The following CSMD1 variants were observed in gnomAD, a reference collection of about 807,000 sequenced individuals.
The protein encoded by CSMD1 is CUB and sushi domain-containing protein 1.
A neutral mutation model predicts 417.5 loss-of-function variants in CSMD1; 213 were observed. The ratio of observed to expected loss-of-function variants is 0.51; its 90% CI spans 0.46 to 0.57. The LOEUF (loss-of-function observed/expected upper bound fraction) is 0.57, where lower values mean the gene tolerates loss of function less well. Among genes scored for constraint, CSMD1 ranks in the 20% least tolerant of loss-of-function variants. The pLI is 0.00. For missense variants in CSMD1, 6,923 were observed against 4,529.7 expected (o/e 1.53, Z -15.17); for synonymous variants, 2,862 against 1,736.8 (o/e 1.65, Z -16.11).
At chr8:3,316,227 A>G (rs1405978887) in intron 23 of CSMD1, among the ~76,000 whole-genome samples, 1 of 152,222 alleles carries the variant, frequency 6.6e-6, no homozygotes, top group Non-Finnish European at 1.5e-5. Context: ...TGCTAACTAT[A>G]TACTGTATGT....
intron 3 of CSMD1, among the ~76,000 whole-genome samples, chr8:4,359,669 G>A (rs533434730): frequency 1.3e-5 from 2 of 152,282 alleles, no homozygotes; most frequent in African/African-American, 4.8e-5. Flanking sequence ...GGTTGATTCT[G>A]GGTATGAATC....
At chr8:4,409,642 C>CTTTTTTTTTTT (rs61368925) in intron 3 of CSMD1, among the ~76,000 whole-genome samples, 1 of 141,850 alleles carries the variant, frequency 7.0e-6, no homozygotes. Flanking sequence ...GACTTTTTTT[C>CTTTTTTTTTTT]TTTTTTTTTT....
chr8:3,266,812 G>C (rs1801465021), intron 26 of CSMD1, among the ~76,000 whole-genome samples: 1 of 149,556 alleles, frequency 6.7e-6, no homozygotes, highest in Non-Finnish European at 1.5e-5. Flanking sequence ...ACCACCCTCA[G>C]ATGAATTGGT....
intron 3 of CSMD1, among the ~76,000 whole-genome samples, chr8:4,201,495 G>A (rs1799643439): frequency 1.7e-5 from 2 of 118,612 alleles, no homozygotes; most frequent in African/African-American, 3.3e-5. Flanking sequence ...CCGACATAGC[G>A]CCACTGCCGT....
chr8:3,861,927 C>T (rs1441168989), intron 5 of CSMD1, among the ~76,000 whole-genome samples: 1 of 152,076 alleles, frequency 6.6e-6, no homozygotes, highest in South Asian at 2.1e-4. Flanking sequence ...TTTCCTTGCT[C>T]CTGGAAAGTC....
intron 2 of CSMD1, among the ~76,000 whole-genome samples, chr8:4,446,872 T>C (rs1798839991): frequency 6.6e-6 from 1 of 151,328 alleles, no homozygotes; most frequent in Admixed American, 6.6e-5. Context: ...CCACCCGCCT[T>C]GGCCTCCCAA....
chr8:4,198,243 A>C lies in CSMD1; in HGVS notation c.416-166144T>G, dbSNP rs149217192. Reference sequence around the variant, plus strand: ...AGGTGCGGAGCACCACATCCCATTAAGTTATCCTCAACTCATTATTACAGA... The same window carrying C: ...AGGTGCGGAGCACCACATCCCATTACGTTATCCTCAACTCATTATTACAGA... On this transcript the variant is annotated intron_variant, in intron 3 of 69. Transcript: ENST00000635120. Among the ~76,000 whole-genome samples the C allele has an allele frequency of 1.7e-3, 262 of 152,336 alleles. 3 individuals carry two copies. The highest frequency in any genetic ancestry group is 6.2e-3 in the African/African-American group (257 of 41,584).
rs550967770 is a variant in CSMD1 at position 3,915,491 on chromosome 8, G to A, written c.818+82412C>T. Among the ~76,000 whole-genome samples the A allele has an allele frequency of 2.2e-3, 333 of 150,658 alleles. 2 individuals carry two copies. Among genetic ancestry groups the A allele is most frequent in the Non-Finnish European group, 1.2e-3 (79 of 67,646 alleles). On this transcript the variant is annotated intron_variant, in intron 5 of 69. Transcript: ENST00000635120. The stretch of plus-strand genomic sequence containing the variant: ...ACTTCAGGGAAGTGCAGGAAAGGAT[G>A]ACATGAAACAGGACATTACTGGGCT...
chr8:3,493,198 G>A (rs1379464243), intron 11 of CSMD1, among the ~76,000 whole-genome samples: 2 of 151,368 alleles, frequency 1.3e-5, no homozygotes, highest in Non-Finnish European at 2.9e-5. Context: ...GGAGGGTGAG[G>A]CAGGTGAATT....
chr8:3,367,186 T>C lies in CSMD1; in HGVS notation c.2961A>G (p.Thr987=). The part of the protein sequence containing the change: ...LESSHDYLLI[T]EDGSFSEPVA... ...CGGGCTCGGAAAAACTTCCATCCTC[T>C]GTGATCAGTAAATAGTCGTGGGAAC... Residue 987 remains threonine, a synonymous_variant, in exon 20 of 70, where the codon ACA becomes ACG. Coordinates refer to ENST00000635120, the MANE Select transcript of CSMD1 (RefSeq NM_033225.6). 1 of 1,613,596 alleles carries C rather than the reference T, an allele frequency of 6.2e-7. No homozygotes were observed. The highest frequency in any genetic ancestry group is 8.5e-7 in the Non-Finnish European group (1 of 1,179,764).
At chr8:4,094,261 G>C (rs1482117055) in intron 3 of CSMD1, among the ~76,000 whole-genome samples, 1 of 152,072 alleles carries the variant, frequency 6.6e-6, no homozygotes, top group Non-Finnish European at 1.5e-5. Context: ...TGTAAATCAG[G>C]GGTGATCTAC....
chr8:3,437,478 G>C (rs751015663), intron 12 of CSMD1, among the ~76,000 whole-genome samples: 2 of 152,190 alleles, frequency 1.3e-5, no homozygotes, highest in Non-Finnish European at 2.9e-5. Context: ...TAATGGGACA[G>C]CGGGAAATAA....
chr8:3,766,627 T>G (rs1029025249), intron 5 of CSMD1, among the ~76,000 whole-genome samples: 3 of 151,754 alleles, frequency 2.0e-5, no homozygotes, highest in African/African-American at 7.3e-5. Context: ...TATAATAAAT[T>G]CCACGCACAG....
chr8:3,468,664 C>G (rs1816918489), intron 12 of CSMD1, 48 bp downstream of exon 12: 2 of 1,225,150 alleles, frequency 1.6e-6, no homozygotes, highest in African/African-American at 1.5e-5. Flanking sequence ...TCTCTGCCCT[C>G]TCTTGGAATG....
intron 1 of CSMD1, among the ~76,000 whole-genome samples, chr8:4,822,663 G>A (rs187311286): frequency 7.9e-5 from 12 of 152,134 alleles, no homozygotes; most frequent in African/African-American, 2.9e-4. Context: ...TTTGTTCACA[G>A]TATTTATTTA....
chr8:2,969,800 T>A (rs1014157611), intron 57 of CSMD1, among the ~76,000 whole-genome samples: 2 of 152,138 alleles, frequency 1.3e-5, no homozygotes, highest in Middle Eastern at 3.2e-3. Flanking sequence ...TATTTCAAAT[T>A]TTTGCTGGTG....
intron 5 of CSMD1, among the ~76,000 whole-genome samples, chr8:3,824,364 C>T (rs901219420): frequency 3.3e-5 from 5 of 152,124 alleles, no homozygotes; most frequent in African/African-American, 9.7e-5. Flanking sequence ...TGTCAAATGA[C>T]GGCGATTTCC....
intron 1 of CSMD1, among the ~76,000 whole-genome samples, chr8:4,685,588 A>G (rs1806321192): frequency 6.6e-6 from 1 of 150,794 alleles, no homozygotes; most frequent in Admixed American, 6.6e-5. Context: ...AAAGAAAAAA[A>G]GAAAGAAAGA....
chr8:3,920,659 T>A (rs993585170), intron 5 of CSMD1, among the ~76,000 whole-genome samples: 1 of 152,154 alleles, frequency 6.6e-6, no homozygotes, highest in African/African-American at 2.4e-5. Flanking sequence ...CTTCAACACA[T>A]AATTTGTTGA....
Sources: gnomAD v4.1 joint callset for allele counts (sites outside exome capture counted in the v4.1 genomes callset) on GRCh38, gnomAD v4.1.1 for gene constraint, MANE v1.5 for transcripts, NCBI Gene and HGNC (gene_info 2026-07-23, HGNC 2026-07-21) for gene names.